CNTLN: variants seen among roughly 807,000 people sequenced by gnomAD.
The protein encoded by CNTLN is centlein.
In CNTLN, 212 loss-of-function variants were observed where a neutral mutation model predicts 180.0. That is an observed-to-expected ratio of 1.18 (90% CI 1.05 to 1.32). The LOEUF is 1.32. Ranked by LOEUF, CNTLN falls within the 40% of genes most tolerant of loss-of-function variation. CNTLN has a pLI of 0.00. For missense variants in CNTLN, 2,095 were observed against 1,610.9 expected (o/e 1.30, Z -5.14); for synonymous variants, 722 against 563.1 (o/e 1.28, Z -3.99).
intron 25 of CNTLN, among the ~76,000 whole-genome samples, chr9:17,492,026 C>G (rs1202995036): frequency 6.6e-6 from 1 of 152,092 alleles, no homozygotes; most frequent in Non-Finnish European, 1.5e-5. Context: ...CTCACTCACT[C>G]ACTCTGTCTC....
chr9:17,352,960 C>G (rs942616584), intron 12 of CNTLN, among the ~76,000 whole-genome samples: 3 of 152,102 alleles, frequency 2.0e-5, no homozygotes, highest in African/African-American at 7.2e-5. Context: ...CCATTAATCC[C>G]TTGGTGGACA....
At chr9:17,488,298 C>G in intron 25 of CNTLN, among the ~76,000 whole-genome samples, 1 of 151,618 alleles carries the variant, frequency 6.6e-6, no homozygotes, top group South Asian at 2.1e-4. Context: ...AGGTGCTAGA[C>G]AAAGCCTTTT....
chr9:17,320,849 A>G (rs987829025), intron 8 of CNTLN, among the ~76,000 whole-genome samples: 3 of 152,190 alleles, frequency 2.0e-5, no homozygotes, highest in African/African-American at 7.2e-5. Flanking sequence ...CCTCAGGATG[A>G]ATTATTAACA....
intron 10 of CNTLN, among the ~76,000 whole-genome samples, 174 bp from the exon 11 acceptor site, chr9:17,340,653 G>A (rs142587299): frequency 1.1e-4 from 16 of 152,244 alleles, no homozygotes; most frequent in Non-Finnish European, 2.4e-4. Flanking sequence ...TCAAGCAAAT[G>A]TATTCTGTGA....
chr9:17,292,358 G>C (rs1265055913), intron 6 of CNTLN, among the ~76,000 whole-genome samples: 1 of 152,146 alleles, frequency 6.6e-6, no homozygotes, highest in Non-Finnish European at 1.5e-5. Context: ...TATCTTGTTA[G>C]GTTAGGGAAG....
At chr9:17,342,288 C>A in intron 11 of CNTLN, 37 bp from the exon 12 acceptor site, 1 of 1,597,592 alleles carries the variant, frequency 6.3e-7, no homozygotes, top group Non-Finnish European at 8.5e-7. Flanking sequence ...GCACTTCAGA[C>A]ATGTTAATTG....
rs1035312429 is a variant in CNTLN at position 17,340,829 on chromosome 9, C to G, written c.1647C>G (p.Ser549Arg). ...ENLEKALQLK[S>R]QENDELRDAH... ...ACTTGCTTTTTTGTGTTCTACAGAG[C>G]CAAGAAAATGATGAGCTAAGAGATG... The change falls in exon 11 of 26, where the codon AGC (serine) becomes AGG (arginine). Residue 549 changes from serine (S) to arginine (R), a missense_variant and splice_region_variant. Physicochemically the swap from Ser to Arg is moderately radical, Grantham distance 110 (BLOSUM62 -1). Transcript: ENST00000380647. 6 of 1,608,312 alleles carry G rather than the reference C, an allele frequency of 3.7e-6. No individual in the cohort carries two copies. The highest frequency in any genetic ancestry group is 5.1e-6 in the Non-Finnish European group (6 of 1,177,222).
At chr9:17,375,914 A>G (rs1184980005) in intron 13 of CNTLN, among the ~76,000 whole-genome samples, 1 of 152,188 alleles carries the variant, frequency 6.6e-6, no homozygotes, top group African/African-American at 2.4e-5. Flanking sequence ...AAAGATTGAT[A>G]TGACAGGATT....
intron 5 of CNTLN, among the ~76,000 whole-genome samples, chr9:17,272,460 T>G (rs1350938787): frequency 2.0e-5 from 3 of 152,160 alleles, no homozygotes; most frequent in Admixed American, 2.0e-4. Flanking sequence ...TGGGAATGTT[T>G]TACCATCCTC....
chr9:17,370,075 G>T (rs1179178347), intron 13 of CNTLN, among the ~76,000 whole-genome samples: 1 of 151,596 alleles, frequency 6.6e-6, no homozygotes, highest in Non-Finnish European at 1.5e-5. Flanking sequence ...AGCCTCAAAA[G>T]GGAAAATGTA....
Position 17,298,722 on chromosome 9 carries a change from T to G in CNTLN, c.1146+370T>G, listed in dbSNP as rs562609525. The G allele has an allele frequency of 8.1e-6, 8 of 992,476 alleles. No individual in the cohort carries two copies. The South Asian group carries it at 3.7e-4, about 46-fold the overall frequency. The allele number at this position is 992,476 out of a possible 1,614,324, so 61.5% of individuals were successfully genotyped here. On this transcript the variant is annotated intron_variant, in intron 7 of 25. Coordinates refer to ENST00000380647, the MANE Select transcript of CNTLN (RefSeq NM_017738.4). ...TGTCAAGTATGGCAGACTTTCATTGTAAAATTTGTACATTATTTTTCGGCA... is the reference window on the plus strand; with the variant it reads ...TGTCAAGTATGGCAGACTTTCATTGGAAAATTTGTACATTATTTTTCGGCA...
intron 2 of CNTLN, among the ~76,000 whole-genome samples, chr9:17,154,622 G>T (rs548573731): frequency 6.6e-6 from 1 of 152,344 alleles, no homozygotes; most frequent in Non-Finnish European, 1.5e-5. Context: ...GGGCTTCTGG[G>T]TTGGGTGGGG....
chr9:17,491,711 A>T (rs1833171657), intron 25 of CNTLN, among the ~76,000 whole-genome samples: 1 of 152,062 alleles, frequency 6.6e-6, no homozygotes, highest in Non-Finnish European at 1.5e-5. Flanking sequence ...AAAGACTTTG[A>T]TCAGTGGCTT....
chr9:17,434,550 A>G (rs1321905807), intron 18 of CNTLN, among the ~76,000 whole-genome samples: 1 of 151,820 alleles, frequency 6.6e-6, no homozygotes, highest in East Asian at 1.9e-4. Flanking sequence ...TTTTGTTATC[A>G]AATTTTAGTT....
intron 7 of CNTLN, chr9:17,301,017 A>G (rs1818306746): frequency 2.0e-6 from 2 of 984,676 alleles, no homozygotes; most frequent in Non-Finnish European, 2.4e-6. Flanking sequence ...ATGTTGTAAT[A>G]GTAGTAGAGG....
In CNTLN at chr9:17,440,295, C is replaced by T. The variant is rs930329379; in HGVS notation, c.3115-17229C>T. On this transcript the variant is annotated intron_variant, in intron 18 of 25. Transcript: ENST00000380647. Reference sequence around the variant, plus strand: ...CATTTAAGAGAACTGAAAACACGGCCGGGCATGGTGGCTCAAGCCTGTAAT... The same window carrying T: ...CATTTAAGAGAACTGAAAACACGGCTGGGCATGGTGGCTCAAGCCTGTAAT... Among the ~76,000 whole-genome samples, 8 of 151,814 alleles carry T rather than the reference C, an allele frequency of 5.3e-5. No homozygotes were observed. The East Asian group carries it at 7.8e-4, about 15-fold the overall frequency.
chr9:17,324,616 A>G (rs1230219220), intron 8 of CNTLN, among the ~76,000 whole-genome samples: 1 of 152,150 alleles, frequency 6.6e-6, no homozygotes, highest in African/African-American at 2.4e-5. Context: ...TGTACCAAAG[A>G]TGCTACTGTC....
At chr9:17,314,843 T>A (rs1305421209) in intron 8 of CNTLN, among the ~76,000 whole-genome samples, 1 of 152,210 alleles carries the variant, frequency 6.6e-6, no homozygotes, top group Non-Finnish European at 1.5e-5. Flanking sequence ...TCTGATAGGA[T>A]CTACTCTGTC....
At chr9:17,155,232 G>A (rs974560891) in intron 2 of CNTLN, among the ~76,000 whole-genome samples, 4 of 152,216 alleles carry the variant, frequency 2.6e-5, no homozygotes, top group African/African-American at 9.6e-5. Context: ...CTTCATTCGT[G>A]AAGTCAGCGA....
Sources: allele counts gnomAD v4.1 joint callset (sites outside exome capture counted in the v4.1 genomes callset), GRCh38; gene constraint gnomAD v4.1.1; transcripts MANE v1.5; gene names NCBI Gene and HGNC (gene_info 2026-07-23, HGNC 2026-07-21).